Variants in CCDC138 observed in about 807,000 individuals in gnomAD.
CCDC138 encodes the protein coiled-coil domain-containing protein 138.
CCDC138 carries 66 observed loss-of-function variants against 82.3 expected under a neutral mutation model. The observed-to-expected ratio is 0.80, with a 90% confidence interval of 0.66 to 0.98. The LOEUF is 0.98. Ranked by LOEUF, CCDC138 falls within the 50% of genes least tolerant of loss-of-function variation. The pLI is 0.00. For synonymous variants in CCDC138, 297 were observed against 265.4 expected (o/e 1.12, Z -1.16); for missense variants, 816 against 758.9 (o/e 1.08, Z -0.88).
intron 10 of CCDC138, among the ~76,000 whole-genome samples, chr2:108,834,033 A>C (rs1174584755): frequency 2.7e-5 from 4 of 149,964 alleles, no homozygotes; most frequent in Non-Finnish European, 5.9e-5. Context: ...GGCGTGAGCC[A>C]CCGTGCCCAG....
At chr2:108,870,760 G>A (rs533931898) in intron 13 of CCDC138, among the ~76,000 whole-genome samples, 1 of 152,326 alleles carries the variant, frequency 6.6e-6, no homozygotes, top group East Asian at 1.9e-4. Context: ...CCTCTTATAT[G>A]AGGTGCCTGG....
At chr2:108,851,020 C>G (rs1278979812) in intron 12 of CCDC138, among the ~76,000 whole-genome samples, 1 of 152,196 alleles carries the variant, frequency 6.6e-6, no homozygotes, top group African/African-American at 2.4e-5. Context: ...GTCCGGCCCT[C>G]TGGAACTTCT....
At chr2:108,814,501 A>G (rs1297809950) in intron 9 of CCDC138, among the ~76,000 whole-genome samples, 1 of 151,960 alleles carries the variant, frequency 6.6e-6, no homozygotes, top group Non-Finnish European at 1.5e-5. Flanking sequence ...AGAAAGTGAA[A>G]AATTGCTCTT....
At chr2:108,867,894 C>G (rs184115525) in intron 13 of CCDC138, among the ~76,000 whole-genome samples, 103 of 152,296 alleles carry the variant, frequency 6.8e-4, no homozygotes, top group African/African-American at 2.4e-3. Context: ...TAGCATGTTA[C>G]TATCTGGGAG....
At chr2:108,843,284 A>T (rs928014404) in intron 11 of CCDC138, among the ~76,000 whole-genome samples, 16 of 151,946 alleles carry the variant, frequency 1.1e-4, no homozygotes, top group African/African-American at 3.9e-4. Context: ...CACCCTCCCA[A>T]GTAGCTGGGA....
chr2:108,809,699 A>G (rs752422720), intron 7 of CCDC138, among the ~76,000 whole-genome samples: 1 of 152,150 alleles, frequency 6.6e-6, no homozygotes, highest in Non-Finnish European at 1.5e-5. Flanking sequence ...AACTTTACCA[A>G]ATTTATCAGT....
At chr2:108,864,270 C>G (rs1694069625) in intron 13 of CCDC138, among the ~76,000 whole-genome samples, 1 of 152,006 alleles carries the variant, frequency 6.6e-6, no homozygotes, top group Non-Finnish European at 1.5e-5. Flanking sequence ...AGATGATGAA[C>G]ACGCTATTTT....
At chr2:108,863,033 T>TA (rs1349769441) in intron 13 of CCDC138, among the ~76,000 whole-genome samples, 3 of 152,232 alleles carry the variant, frequency 2.0e-5, no homozygotes, top group African/African-American at 7.2e-5. Context: ...ATCTAGAACT[T>TA]ACTTCTGAAT....
At chr2:108,875,822 G>T (rs1695947185) in intron 14 of CCDC138, among the ~76,000 whole-genome samples, 1 of 152,120 alleles carries the variant, frequency 6.6e-6, no homozygotes, top group African/African-American at 2.4e-5. Context: ...TCATGCCACT[G>T]CACTCCACCT....
rs1695046587 is a variant in CCDC138, at chr2:108,870,393, A to G, written c.1694-3058A>G. Among the ~76,000 whole-genome samples, 5 of 152,342 alleles carry G rather than the reference A, an allele frequency of 3.3e-5. No homozygotes were observed. The South Asian group carries it at 1.0e-3, about 32-fold the overall frequency. ...TACCATCAGGCAGACCAGTTGATGC[A>G]TTACTGGAGTCCAGAAGGAGAAAAA... is the stretch of plus-strand genomic sequence containing the variant. On this transcript the variant is annotated intron_variant, in intron 13 of 14. Transcript: ENST00000295124.
At chr2:108,841,940 A>C (rs905475944) in intron 11 of CCDC138, among the ~76,000 whole-genome samples, 15 of 152,008 alleles carry the variant, frequency 9.9e-5, no homozygotes, top group African/African-American at 3.6e-4. Context: ...TTGGTATTAC[A>C]TTTGTTTTAA....
At chr2:108,841,773 T>G (rs1001267234) in intron 11 of CCDC138, among the ~76,000 whole-genome samples, 3 of 152,176 alleles carry the variant, frequency 2.0e-5, no homozygotes. Flanking sequence ...GTAACTTTAT[T>G]TTTTTAACTA....
At chr2:108,805,269 A>G (rs1326621762) in intron 7 of CCDC138, among the ~76,000 whole-genome samples, 1 of 152,228 alleles carries the variant, frequency 6.6e-6, no homozygotes, top group African/African-American at 2.4e-5. Flanking sequence ...ATTTTTAGGT[A>G]CTGATCTCTG....
At chr2:108,791,848 A>C (rs1288020757) in intron 4 of CCDC138, 46 bp downstream of exon 4, 2 of 1,512,268 alleles carry the variant, frequency 1.3e-6, no homozygotes, top group Non-Finnish European at 1.8e-6. Flanking sequence ...TAACTTTGTC[A>C]AGTAGAGTAA....
chr2:108,859,292 A>G (rs2104740947), intron 13 of CCDC138, among the ~76,000 whole-genome samples: 1 of 152,210 alleles, frequency 6.6e-6, no homozygotes, highest in South Asian at 2.1e-4. Flanking sequence ...TAGATTCTGG[A>G]TATTAGTCCT....
chr2:108,800,368 G>T (rs184061307), intron 6 of CCDC138, among the ~76,000 whole-genome samples: 1 of 152,002 alleles, frequency 6.6e-6, no homozygotes, highest in Non-Finnish European at 1.5e-5. Flanking sequence ...GGGTTCAAGC[G>T]ATTCTCCTGC....
chr2:108,834,407 G>T (rs139037265), intron 10 of CCDC138, among the ~76,000 whole-genome samples: 145 of 151,906 alleles, frequency 9.5e-4, no homozygotes, highest in African/African-American at 3.3e-3. Flanking sequence ...ACAGATGGGG[G>T]TTTCACCATG....
chr2:108,788,086 C>G lies in CCDC138; in HGVS notation c.148C>G (p.Pro50Ala). 1 of 1,601,932 alleles carries G rather than the reference C, an allele frequency of 6.2e-7. No individual in the cohort carries two copies. The highest frequency in any genetic ancestry group is 1.1e-5 in the South Asian group (1 of 88,738). The change falls in exon 2 of 15, where the codon CCA becomes GCA. Residue 50 changes from proline to alanine, a missense_variant. By Grantham distance (27) the Pro-to-Ala change is conservative. Coordinates refer to ENST00000295124, the MANE Select transcript of CCDC138 (RefSeq NM_144978.3). The part of the protein sequence containing the change: ...SKYKRRTLTS[P>A]GDLDIYSGDK... ...GTATAAGAGAAGAACTCTAACCTCC[C>G]CAGGTAAGCCGGTATTTTGTATATT...
At chr2:108,818,975 A>G (rs1685218279) in intron 10 of CCDC138, among the ~76,000 whole-genome samples, 1 of 152,212 alleles carries the variant, frequency 6.6e-6, no homozygotes, top group Non-Finnish European at 1.5e-5. Flanking sequence ...TAAGGGTGGA[A>G]TATTATCAAA....
Sources: allele counts gnomAD v4.1 joint callset (sites outside exome capture counted in the v4.1 genomes callset), GRCh38; gene constraint gnomAD v4.1.1; transcripts MANE v1.5; gene names NCBI Gene and HGNC (gene_info 2026-07-23, HGNC 2026-07-21).